Variants in ADARB1 observed in about 807,000 individuals in gnomAD.
ADARB1 encodes the protein adenosine deaminase RNA specific B1, also known as double-stranded RNA-specific editase 1.
In ADARB1, 10 loss-of-function variants were observed where a neutral mutation model predicts 52.4. The observed-to-expected ratio is 0.19, with a 90% CI of 0.12 to 0.32. ADARB1 has a LOEUF of 0.32. Among genes scored for constraint, ADARB1 ranks in the 10% least tolerant of loss-of-function variants. ADARB1 has a pLI of 1.00. For synonymous variants in ADARB1, 349 were observed against 371.1 expected (o/e 0.94, Z 0.68); for missense variants, 643 against 922.3 (o/e 0.70, Z 3.92).
At chr21:45,213,225 T>C (rs976685236) in intron 9 of ADARB1, among the ~76,000 whole-genome samples, 1 of 152,238 alleles carries the variant, frequency 6.6e-6, no homozygotes, top group Non-Finnish European at 1.5e-5. Context: ...ACTGAACATA[T>C]CTGCTTAAGA....
rs139722058 is a variant in ADARB1, at chr21:45,204,907, C to G, written c.1747+171C>G. On this transcript the variant is annotated intron_variant, in intron 9 of 10. Transcript: ENST00000348831. The surrounding 1 kb of genome is among the most constrained non-coding windows in gnomAD (Gnocchi z 4.4). ...TTCTGAGGCTCTCCGGGCCTTGTCT[C>G]TAGGGCCTTTTAAGTGAGTCTCTCT... 6.6e-6 allele frequency among the ~76,000 whole-genome samples: 1 copy of G among 152,264 alleles called. No individual in the cohort carries two copies. Among genetic ancestry groups the G allele is most frequent in the East Asian group, 1.9e-4 (1 of 5,180 alleles).
chr21:45,167,713 C>G (rs527793312), intron 2 of ADARB1, among the ~76,000 whole-genome samples: 29 of 152,268 alleles, frequency 1.9e-4, no homozygotes, highest in African/African-American at 6.7e-4. Flanking sequence ...CGCCACTGCA[C>G]TCCAGCCTGG....
chr21:45,081,103 G>A (rs2086133948), intron 1 of ADARB1, among the ~76,000 whole-genome samples: 1 of 152,218 alleles, frequency 6.6e-6, no homozygotes, highest in African/African-American at 2.4e-5. Flanking sequence ...TCTGTGCAGT[G>A]GAGAGTAGTT....
At chr21:45,158,255 A>G (rs568720986) in intron 2 of ADARB1, among the ~76,000 whole-genome samples, 1 of 151,700 alleles carries the variant, frequency 6.6e-6, no homozygotes, top group Admixed American at 6.6e-5. Context: ...GGAGGGGGGA[A>G]CTCCCTTGTC....
intron 1 of ADARB1, among the ~76,000 whole-genome samples, chr21:45,098,347 TG>T (rs2086855546): frequency 6.6e-6 from 1 of 152,210 alleles, no homozygotes; most frequent in Admixed American, 6.5e-5. Context: ...TCCCCGTCTC[TG>T]TCTAGGGGCT....
intron 8 of ADARB1, among the ~76,000 whole-genome samples, chr21:45,196,923 G>A (rs982078603): frequency 3.9e-5 from 6 of 152,196 alleles, no homozygotes; most frequent in Non-Finnish European, 7.3e-5. Context: ...AGCCAGGCAC[G>A]GTGGCTCATG....
chr21:45,118,500 C>T (rs774744034), intron 1 of ADARB1: 17 of 152,176 alleles, frequency 1.1e-4, no homozygotes, highest in Non-Finnish European at 2.1e-4. Context: ...TTGGTAGGGT[C>T]TAGAATTCTA....
intron 2 of ADARB1, among the ~76,000 whole-genome samples, chr21:45,150,215 A>G (rs958400595): frequency 2.3e-4 from 35 of 152,244 alleles, no homozygotes; most frequent in African/African-American, 8.2e-4. Flanking sequence ...TGGAGGTTGC[A>G]GTGAGCTGAG....
intron 2 of ADARB1, among the ~76,000 whole-genome samples, chr21:45,136,271 C>T (rs530182437): frequency 6.6e-6 from 1 of 152,294 alleles, no homozygotes; most frequent in South Asian, 2.1e-4. Flanking sequence ...GGCAGGCTTT[C>T]CAGGCTTCCA....
At chr21:45,126,040 T>C (rs2088558637) in intron 1 of ADARB1, among the ~76,000 whole-genome samples, 1 of 152,240 alleles carries the variant, frequency 6.6e-6, no homozygotes, top group Admixed American at 6.5e-5. Context: ...TCTAAGTGTT[T>C]TCTGTTTTCT....
intron 2 of ADARB1, among the ~76,000 whole-genome samples, chr21:45,150,233 C>T (rs941502050): frequency 5.3e-5 from 8 of 152,174 alleles, no homozygotes; most frequent in Admixed American, 3.3e-4. Flanking sequence ...GAGATCCTGC[C>T]GCTGCATTCC....
At chr21:45,103,842 A>G (rs1402181120) in intron 1 of ADARB1, among the ~76,000 whole-genome samples, 4 of 152,176 alleles carry the variant, frequency 2.6e-5, no homozygotes, top group African/African-American at 9.7e-5. Flanking sequence ...GTGTTTTTTC[A>G]AAAACACTTT....
chr21:45,153,522 A>G (rs1424323898), intron 2 of ADARB1, among the ~76,000 whole-genome samples: 1 of 152,188 alleles, frequency 6.6e-6, no homozygotes, highest in Non-Finnish European at 1.5e-5. Flanking sequence ...TCACCACCAC[A>G]GGGCCCTTGG....
At chr21:45,080,059 C>T (rs1170871538) in intron 1 of ADARB1, among the ~76,000 whole-genome samples, 4 of 152,092 alleles carry the variant, frequency 2.6e-5, no homozygotes, top group Non-Finnish European at 5.9e-5. Context: ...TCTTCTTATT[C>T]TTCGTGGGCT....
intron 9 of ADARB1, among the ~76,000 whole-genome samples, chr21:45,212,100 C>G (rs1049200493): frequency 6.6e-6 from 1 of 152,036 alleles, no homozygotes; most frequent in African/African-American, 2.4e-5. Flanking sequence ...TATTGTAATT[C>G]TAAGGTTTAA....
At chr21:45,136,362 G>A (rs927709981) in intron 2 of ADARB1, among the ~76,000 whole-genome samples, 1 of 152,184 alleles carries the variant, frequency 6.6e-6, no homozygotes, top group African/African-American at 2.4e-5. Flanking sequence ...CAGACCTGGG[G>A]CCTCAGCCTA....
At chr21:45,139,668 C>T (rs565215286) in intron 2 of ADARB1, among the ~76,000 whole-genome samples, 61 of 152,288 alleles carry the variant, frequency 4.0e-4, no homozygotes, top group African/African-American at 1.2e-3. Flanking sequence ...CGCGTGCGCC[C>T]GTGGGCCCTG....
intron 2 of ADARB1, among the ~76,000 whole-genome samples, chr21:45,165,391 T>C (rs2091210419): frequency 6.6e-6 from 1 of 152,242 alleles, no homozygotes; most frequent in South Asian, 2.1e-4. Flanking sequence ...CTTATTTTAA[T>C]TATCTCCTTT....
intron 9 of ADARB1, among the ~76,000 whole-genome samples, chr21:45,216,981 T>C (rs2092875957): frequency 6.6e-6 from 1 of 152,062 alleles, no homozygotes; most frequent in Non-Finnish European, 1.5e-5. Flanking sequence ...TAATAGTGTT[T>C]GTTCTGAAAT....
Sources: allele counts gnomAD v4.1 joint callset (sites outside exome capture counted in the v4.1 genomes callset), GRCh38; gene constraint gnomAD v4.1.1; non-coding constraint Gnocchi (gnomAD v3.1); transcripts MANE v1.5; gene names NCBI Gene and HGNC (gene_info 2026-07-23, HGNC 2026-07-21).